CSMD1: variants seen among roughly 807,000 people sequenced by gnomAD.
CSMD1 encodes the protein CUB and sushi domain-containing protein 1.
A neutral mutation model predicts 417.5 loss-of-function variants in CSMD1; 213 were observed. The ratio of observed to expected loss-of-function variants is 0.51; its 90% CI spans 0.46 to 0.57. The LOEUF is 0.57. Ranked by LOEUF, CSMD1 falls within the 20% of genes least tolerant of loss-of-function variation. The pLI, the probability that CSMD1 is intolerant of heterozygous loss-of-function variation, is 0.00. For missense variants in CSMD1, 6,923 were observed against 4,529.7 expected, an observed-to-expected ratio of 1.53 and a Z score of -15.17; for synonymous variants, 2,862 against 1,736.8, an observed-to-expected ratio of 1.65 and a Z score of -16.11.
chr8:4,768,662 G>A (rs1796445426), intron 1 of CSMD1, among the ~76,000 whole-genome samples: 2 of 152,172 alleles, frequency 1.3e-5, no homozygotes, highest in Admixed American at 6.5e-5. Context: ...GTCAATCACA[G>A]ATGGGAGGGA....
At chr8:4,235,043 A>G (rs972167793) in intron 3 of CSMD1, among the ~76,000 whole-genome samples, 2 of 152,128 alleles carry the variant, frequency 1.3e-5, no homozygotes, top group African/African-American at 4.8e-5. Context: ...TCAACATTCG[A>G]ATTTAAGGGG....
At chr8:4,714,384 A>T (rs888280512) in intron 1 of CSMD1, among the ~76,000 whole-genome samples, 2 of 152,202 alleles carry the variant, frequency 1.3e-5, no homozygotes, top group Admixed American at 6.5e-5. Context: ...GTAAGAAATT[A>T]AAAAATGTGC....
chr8:3,242,890 G>C (rs547944461), intron 26 of CSMD1, among the ~76,000 whole-genome samples: 1 of 151,990 alleles, frequency 6.6e-6, no homozygotes, highest in African/African-American at 2.4e-5. Context: ...AGAGGTTGGG[G>C]CGTGGAAATA....
rs144191510 is a variant in CSMD1, at chr8:2,983,658, G to C, written c.8378-4858C>G. Among the ~76,000 whole-genome samples the C allele has an allele frequency of 1.2e-3, 176 of 152,246 alleles. 1 individual carries two copies. Among genetic ancestry groups the C allele is most frequent in the African/African-American group, 4.1e-3 (170 of 41,548 alleles). Reference sequence around the variant, plus strand: ...ATTGTAAATCTAATCGTAACCCAAAGTAAAGCACTTCCCAGTCTTTGGCAT... The same window carrying C: ...ATTGTAAATCTAATCGTAACCCAAACTAAAGCACTTCCCAGTCTTTGGCAT... On this transcript the variant is annotated intron_variant, in intron 54 of 69. Coordinates refer to ENST00000635120, the MANE Select transcript of CSMD1 (RefSeq NM_033225.6).
intron 3 of CSMD1, among the ~76,000 whole-genome samples, chr8:4,271,017 C>A (rs554380620): frequency 9.2e-5 from 14 of 152,252 alleles, no homozygotes; most frequent in African/African-American, 2.6e-4. Context: ...GAGAGCAGGT[C>A]CTAGTGGGAA....
At chr8:3,177,166 C>T (rs115883088) in intron 37 of CSMD1, among the ~76,000 whole-genome samples, 1 of 152,268 alleles carries the variant, frequency 6.6e-6, no homozygotes, top group African/African-American at 2.4e-5. Flanking sequence ...GAAAGGCGAC[C>T]AGAAAAGAAT....
At chr8:4,082,158 C>G (rs1364986059) in intron 3 of CSMD1, among the ~76,000 whole-genome samples, 1 of 151,968 alleles carries the variant, frequency 6.6e-6, no homozygotes, top group Non-Finnish European at 1.5e-5. Context: ...TCTATAGATC[C>G]TAAGGACATT....
chr8:3,283,060 T>G (rs1244972204), intron 26 of CSMD1, among the ~76,000 whole-genome samples: 1 of 152,188 alleles, frequency 6.6e-6, no homozygotes, highest in African/African-American at 2.4e-5. Flanking sequence ...AAAAATGGGC[T>G]AGACAGCAAA....
intron 25 of CSMD1, chr8:3,284,684 A>C: frequency 7.7e-6 from 2 of 260,212 alleles, no homozygotes; most frequent in Non-Finnish European, 7.6e-6. Flanking sequence ...AACCAAATAT[A>C]AGCTTGGCAT....
At chr8:4,897,191 G>A (rs963726993) in intron 1 of CSMD1, among the ~76,000 whole-genome samples, 1 of 152,078 alleles carries the variant, frequency 6.6e-6, no homozygotes, top group Admixed American at 6.5e-5. Flanking sequence ...TGCAATGTCA[G>A]GGGAGGTAGA....
At chr8:4,522,879 G>T (rs1373584832) in intron 2 of CSMD1, among the ~76,000 whole-genome samples, 1 of 152,122 alleles carries the variant, frequency 6.6e-6, no homozygotes, top group African/African-American at 2.4e-5. Context: ...TGTTCTCCAG[G>T]AGCTTACTTC....
chr8:3,820,588 T>G (rs933367910), intron 5 of CSMD1, among the ~76,000 whole-genome samples: 1 of 152,312 alleles, frequency 6.6e-6, no homozygotes, highest in South Asian at 2.1e-4. Flanking sequence ...GTTGTTTGTT[T>G]GTTTTGAGAT....
intron 6 of CSMD1, among the ~76,000 whole-genome samples, chr8:3,718,823 G>C (rs567579639): frequency 1.3e-5 from 2 of 152,234 alleles, no homozygotes; most frequent in East Asian, 3.9e-4. Context: ...TAAGTTTTCA[G>C]ACATAAGCAG....
chr8:4,920,944 A>G (rs60732133), intron 1 of CSMD1, among the ~76,000 whole-genome samples: 23 of 7,800 alleles, frequency 2.9e-3, no homozygotes, highest in Non-Finnish European at 8.0e-3. Context: ...GAAAGAAAGA[A>G]AGAAAGAAAG....
chr8:4,658,642 C>T lies in CSMD1; in HGVS notation c.86-21084G>A, dbSNP rs186851056. Among the ~76,000 whole-genome samples the T allele has an allele frequency of 2.4e-3, 360 of 152,118 alleles. 5 individuals are homozygous for T. The highest frequency in any genetic ancestry group is 8.4e-3 in the African/African-American group (349 of 41,494). On this transcript the variant is annotated intron_variant, in intron 1 of 69. Transcript: ENST00000635120. ...TATCCACAATGAAATAAAAAGACTT[C>T]GGAAAGTAAAGCAATGCCGTTAGAA...
chr8:3,123,677 A>G (rs1029762577), intron 41 of CSMD1, among the ~76,000 whole-genome samples: 16 of 152,244 alleles, frequency 1.1e-4, no homozygotes, highest in African/African-American at 3.4e-4. Flanking sequence ...TAGATTCAAT[A>G]GAACCTCATC....
At chr8:3,390,567 G>C (rs755435763) in intron 17 of CSMD1, among the ~76,000 whole-genome samples, 4 of 151,738 alleles carry the variant, frequency 2.6e-5, no homozygotes, top group Admixed American at 1.3e-4. Context: ...TTGTTGAAAC[G>C]ACGTGTATAT....
intron 2 of CSMD1, among the ~76,000 whole-genome samples, chr8:4,626,883 C>G (rs1403515724): frequency 1.3e-5 from 2 of 152,142 alleles, no homozygotes; most frequent in Non-Finnish European, 2.9e-5. Context: ...AAGTGAAATA[C>G]TTGCCTTTTC....
chr8:3,482,555 C>G (rs1306558646), intron 11 of CSMD1, among the ~76,000 whole-genome samples: 1 of 152,114 alleles, frequency 6.6e-6, no homozygotes, highest in Non-Finnish European at 1.5e-5. Context: ...AAAATAGCAA[C>G]CTCCACAAGT....
Sources: gnomAD v4.1 joint callset for allele counts (sites outside exome capture counted in the v4.1 genomes callset) on GRCh38, gnomAD v4.1.1 for gene constraint, MANE v1.5 for transcripts, NCBI Gene and HGNC (gene_info 2026-07-23, HGNC 2026-07-21) for gene names.